COL4A6: variants seen among roughly 807,000 people sequenced by gnomAD.
COL4A6 encodes the protein collagen alpha-6(IV) chain.
A neutral mutation model predicts 126.7 loss-of-function variants in COL4A6; 59 were observed. The observed-to-expected ratio is 0.47, with a 90% CI of 0.38 to 0.58. The LOEUF (loss-of-function observed/expected upper bound fraction) is 0.58, where lower values mean the gene tolerates loss of function less well. COL4A6 is among the 20% of genes least tolerant of loss of function. The pLI is 0.00. For synonymous variants in COL4A6, 547 were observed against 496.6 expected, an observed-to-expected ratio of 1.10 and a Z score of -1.35; for missense variants, 1,285 against 1,337.3, an observed-to-expected ratio of 0.96 and a Z score of 0.61.
chrX:108,194,502 C>T (rs1476060976), intron 16 of COL4A6, 32 bp downstream of exon 16: 2 of 1,185,958 alleles, frequency 1.7e-6, no homozygotes, highest in Non-Finnish European at 2.3e-6. Flanking sequence ...CTTCTACCTA[C>T]CAACCCTGGA....
chrX:108,245,503 A>G (rs1473679381), intron 3 of COL4A6, among the ~76,000 whole-genome samples: 2 of 111,985 alleles, frequency 1.8e-5, no homozygotes, highest in Non-Finnish European at 3.8e-5. Context: ...GCAAAGCAAA[A>G]GCTCGAGATT....
chrX:108,288,612 G>A (rs984358894), intron 3 of COL4A6, among the ~76,000 whole-genome samples: 1 of 110,858 alleles, frequency 9.0e-6, no homozygotes, highest in Non-Finnish European at 1.9e-5. Context: ...CATGAATTTG[G>A]CTAAGAAGCT....
chrX:108,244,402 G>T (rs2036660067), intron 3 of COL4A6, among the ~76,000 whole-genome samples: 2 of 111,506 alleles, frequency 1.8e-5, no homozygotes, highest in Non-Finnish European at 3.8e-5. Context: ...ACATTCTACT[G>T]TGAGCTCAGT....
intron 2 of COL4A6, among the ~76,000 whole-genome samples, chrX:108,400,667 C>T (rs1332494202): frequency 1.8e-5 from 2 of 110,365 alleles, no homozygotes; most frequent in African/African-American, 6.6e-5. Flanking sequence ...TTGAAAAAGG[C>T]CCATGTATGT....
chrX:108,329,907 C>A (rs994232232), intron 2 of COL4A6, among the ~76,000 whole-genome samples: 12 of 110,602 alleles, frequency 1.1e-4, no homozygotes, highest in Non-Finnish European at 1.7e-4. Context: ...GATGGTAATG[C>A]CATTTGCTGA....
intron 33 of COL4A6, 128 bp from the exon 34 acceptor site, chrX:108,171,045 G>T: frequency 1.7e-6 from 1 of 599,072 alleles, no homozygotes; most frequent in Non-Finnish European, 2.6e-6. Flanking sequence ...AAAAGATAGT[G>T]GTGGCTGTTT....
At chrX:108,387,753 T>C (rs1294475358) in intron 2 of COL4A6, among the ~76,000 whole-genome samples, 1 of 112,233 alleles carries the variant, frequency 8.9e-6, no homozygotes, top group Non-Finnish European at 1.9e-5. Flanking sequence ...CAATACTATG[T>C]TGATTAGGGC....
chrX:108,221,806 G>A (rs767419094), intron 3 of COL4A6, among the ~76,000 whole-genome samples: 84 of 112,625 alleles, frequency 7.5e-4, no homozygotes, highest in African/African-American at 2.4e-3. Flanking sequence ...AATGGCTGTG[G>A]CTAAAGAACA....
At chrX:108,358,628 C>T (rs1392466510) in intron 2 of COL4A6, among the ~76,000 whole-genome samples, 5 of 111,597 alleles carry the variant, frequency 4.5e-5, no homozygotes, top group Non-Finnish European at 9.4e-5. Context: ...CTCCTGAACT[C>T]AGGTGATCTG....
At chrX:108,430,419 A>G (rs769014473) in intron 2 of COL4A6, among the ~76,000 whole-genome samples, 16 of 112,095 alleles carry the variant, frequency 1.4e-4, no homozygotes, top group Admixed American at 3.8e-4. Context: ...GAAAGCCCTT[A>G]AATGTGCCAA....
At chrX:108,434,499 A>G (rs7050644) in intron 2 of COL4A6, among the ~76,000 whole-genome samples, 8,250 of 110,419 alleles carry the variant, frequency 0.075, 696 homozygotes, top group African/African-American at 0.24. Flanking sequence ...TAAAATACAT[A>G]GGATTACAAT....
rs777603709 is a variant in COL4A6 at position 108,244,931 on chromosome X, C to T, written c.145-23557G>A. ...AGATGTTCCCTTACATTAGCAGAGACTAAAAAGATATTCCTGAGGGACAAG... is the reference window on the plus strand; with the variant it reads ...AGATGTTCCCTTACATTAGCAGAGATTAAAAAGATATTCCTGAGGGACAAG... On this transcript the variant is annotated intron_variant, in intron 3 of 44. Transcript: ENST00000334504. Among the ~76,000 whole-genome samples the T allele has an allele frequency of 6.3e-5, 7 of 111,888 alleles. No individual in the cohort carries two copies. In the South Asian group the frequency reaches 2.7e-3, roughly 42 times the overall value.
chrX:108,241,990 C>A (rs1393151198), intron 3 of COL4A6, among the ~76,000 whole-genome samples: 1 of 101,267 alleles, frequency 9.9e-6, no homozygotes, highest in Non-Finnish European at 2.0e-5. Flanking sequence ...TCAGATTTCA[C>A]CAGTTTTTTT....
chrX:108,360,049 A>T (rs2040048402), intron 2 of COL4A6, among the ~76,000 whole-genome samples: 1 of 111,680 alleles, frequency 9.0e-6, no homozygotes, highest in African/African-American at 3.3e-5. Context: ...AGGCAACCAG[A>T]TGTTTTGGTC....
At chrX:108,241,801 T>G (rs1329252696) in intron 3 of COL4A6, among the ~76,000 whole-genome samples, 1 of 109,318 alleles carries the variant, frequency 9.1e-6, no homozygotes, top group African/African-American at 3.3e-5. Context: ...TAAAAAAACT[T>G]TCTATTTTGG....
intron 3 of COL4A6, among the ~76,000 whole-genome samples, chrX:108,277,950 A>G (rs936295262): frequency 8.9e-6 from 1 of 112,133 alleles, no homozygotes; most frequent in South Asian, 3.8e-4. Context: ...TAGAAGGAAA[A>G]CTAACAAACA....
intron 3 of COL4A6, among the ~76,000 whole-genome samples, chrX:108,287,204 T>A (rs187288266): frequency 8.9e-6 from 1 of 112,383 alleles, no homozygotes; most frequent in African/African-American, 3.2e-5. Context: ...CCAAAAGTTA[T>A]AATAACTGTT....
intron 2 of COL4A6, among the ~76,000 whole-genome samples, chrX:108,406,640 T>C (rs2041214019): frequency 8.9e-6 from 1 of 111,832 alleles, no homozygotes; most frequent in Non-Finnish European, 1.9e-5. Flanking sequence ...TGTGGGTACA[T>C]AGTAGGTGTA....
intron 2 of COL4A6, among the ~76,000 whole-genome samples, chrX:108,338,460 G>GTT (rs1011605872): frequency 1.8e-5 from 2 of 112,180 alleles, no homozygotes. Flanking sequence ...CCCACATATA[G>GTT]TTCTTTCAGA....
Sources: gnomAD v4.1 joint callset for allele counts (sites outside exome capture counted in the v4.1 genomes callset) on GRCh38, gnomAD v4.1.1 for gene constraint, MANE v1.5 for transcripts, NCBI Gene and HGNC (gene_info 2026-07-23, HGNC 2026-07-21) for gene names.